Variants in ASAP1 observed in about 807,000 individuals in gnomAD.
The protein encoded by ASAP1 is arf-GAP with SH3 domain, ANK repeat and PH domain-containing protein 1.
In ASAP1, 43 loss-of-function variants were observed where a neutral mutation model predicts 145.2. The observed-to-expected ratio is 0.30, with a 90% CI of 0.23 to 0.38. The LOEUF (loss-of-function observed/expected upper bound fraction) is 0.38, where lower values mean the gene tolerates loss of function less well. Among genes scored for constraint, ASAP1 ranks in the 10% least tolerant of loss-of-function variants. ASAP1 has a pLI of 1.00. For missense variants in ASAP1, 1,018 were observed against 1,355.3 expected, an observed-to-expected ratio of 0.75 and a Z score of 3.91; for synonymous variants, 546 against 515.5, an observed-to-expected ratio of 1.06 and a Z score of -0.80.
At chr8:130,159,721 C>G in intron 12 of ASAP1, 143 bp downstream of exon 12, 1 of 652,330 alleles carries the variant, frequency 1.5e-6, no homozygotes, top group Middle Eastern at 2.6e-4. Flanking sequence ...GGTCAAATCT[C>G]GGATTTACTT....
chr8:130,085,871 A>T (rs929372030), intron 25 of ASAP1, among the ~76,000 whole-genome samples: 2 of 152,228 alleles, frequency 1.3e-5, no homozygotes, highest in African/African-American at 4.8e-5. Flanking sequence ...GTCTCCTGAG[A>T]CAGATGGCTG....
chr8:130,315,588 A>G (rs1823618646), intron 3 of ASAP1, among the ~76,000 whole-genome samples: 1 of 152,232 alleles, frequency 6.6e-6, no homozygotes, highest in Non-Finnish European at 1.5e-5. Context: ...GCCAAGAAAT[A>G]GACCACTTGT....
At chr8:130,402,536 A>T (rs1460094662) in intron 1 of ASAP1, among the ~76,000 whole-genome samples, 2 of 152,224 alleles carry the variant, frequency 1.3e-5, no homozygotes, top group Non-Finnish European at 2.9e-5. Flanking sequence ...GATGTTACAT[A>T]AGGGAACAGC....
intron 5 of ASAP1, among the ~76,000 whole-genome samples, chr8:130,212,339 C>T (rs1049313486): frequency 6.6e-6 from 1 of 152,092 alleles, no homozygotes; most frequent in African/African-American, 2.4e-5. Flanking sequence ...TTTTCTTAGA[C>T]TTCTACTCCT....
At position 130,251,491 on chromosome 8, in the gene ASAP1, T is replaced by C. The variant is rs1049651706; in HGVS notation, c.187-14497A>G. On this transcript the variant is annotated intron_variant, in intron 3 of 29. Transcript: ENST00000518721. ...AACAAAGTTAGGCCTCAAAAAAATA[T>C]ACTATGTACATCAGCTAAAGAGGTC... is the stretch of plus-strand genomic sequence containing the variant. Among the ~76,000 whole-genome samples, 91 of 152,084 alleles carry C rather than the reference T, an allele frequency of 6.0e-4. 1 individual carries two copies. The highest frequency in any genetic ancestry group is 4.0e-4 in the Non-Finnish European group (27 of 68,004).
chr8:130,169,288 T>C (rs371048740), intron 9 of ASAP1, among the ~76,000 whole-genome samples: 6 of 152,250 alleles, frequency 3.9e-5, no homozygotes, highest in Non-Finnish European at 8.8e-5. Context: ...ATTATGGCTG[T>C]CAGTTGACAT....
chr8:130,422,497 T>G (rs1485964058), intron 1 of ASAP1, among the ~76,000 whole-genome samples: 1 of 152,222 alleles, frequency 6.6e-6, no homozygotes, highest in East Asian at 1.9e-4. Flanking sequence ...CAGTGTACTT[T>G]CCCGCCTTCT....
intron 11 of ASAP1, among the ~76,000 whole-genome samples, chr8:130,166,414 A>G (rs1034286429): frequency 6.6e-6 from 1 of 152,186 alleles, no homozygotes; most frequent in Admixed American, 6.6e-5. Context: ...TACGTCCCTT[A>G]GTACAACACC....
At chr8:130,309,497 G>A (rs1586803402) in intron 3 of ASAP1, among the ~76,000 whole-genome samples, 1 of 152,176 alleles carries the variant, frequency 6.6e-6, no homozygotes. Context: ...CATAAGATGA[G>A]GCACGGTATG....
At chr8:130,282,129 T>C (rs1287369322) in intron 3 of ASAP1, among the ~76,000 whole-genome samples, 1 of 150,082 alleles carries the variant, frequency 6.7e-6, no homozygotes, top group Non-Finnish European at 1.5e-5. Flanking sequence ...ACCAACCAAA[T>C]ATATATGTTC....
At chr8:130,288,687 A>C (rs2137276736) in intron 3 of ASAP1, among the ~76,000 whole-genome samples, 1 of 152,364 alleles carries the variant, frequency 6.6e-6, no homozygotes, top group East Asian at 1.9e-4. Flanking sequence ...CTATGGGAAG[A>C]AGATGGCATC....
In ASAP1 at chr8:130,214,717, A is replaced by G. The variant is rs1816789255; in HGVS notation, c.260-16T>C. The G allele has an allele frequency of 6.4e-7, 1 of 1,570,740 alleles. No homozygotes were observed. The highest frequency in any genetic ancestry group is 8.6e-7 in the Non-Finnish European group (1 of 1,160,718). ...TGTACATGATCTAAAAACAAAAAAG[A>G]AGAAGAAAGGAGTCTGAACTATTAT... On this transcript the variant is annotated splice_polypyrimidine_tract_variant and intron_variant, in intron 4 of 29. Coordinates refer to ENST00000518721, the MANE Select transcript of ASAP1 (RefSeq NM_018482.4).
intron 3 of ASAP1, among the ~76,000 whole-genome samples, chr8:130,299,481 A>C (rs145740243): frequency 2.6e-3 from 393 of 152,374 alleles, no homozygotes; most frequent in African/African-American, 9.1e-3. Flanking sequence ...TATATGGCAC[A>C]GTACCTTTCT....
At chr8:130,084,540 T>A (rs780672130) in intron 25 of ASAP1, 2 of 152,040 alleles carry the variant, frequency 1.3e-5, no homozygotes, top group Non-Finnish European at 2.9e-5. Context: ...GGAGAAGAGT[T>A]TGTGGAAAGA....
At chr8:130,251,055 C>T (rs1819166331) in intron 3 of ASAP1, among the ~76,000 whole-genome samples, 1 of 152,062 alleles carries the variant, frequency 6.6e-6, no homozygotes, top group African/African-American at 2.4e-5. Context: ...ATCAGAATAC[C>T]TAGTTTTGTT....
intron 2 of ASAP1, among the ~76,000 whole-genome samples, chr8:130,378,966 C>A (rs1349541291): frequency 6.6e-6 from 1 of 152,094 alleles, no homozygotes; most frequent in Non-Finnish European, 1.5e-5. Context: ...TGGTCTTTGT[C>A]CTTGACTTCT....
chr8:130,055,268 C>T (rs1374119182), intron 29 of ASAP1, among the ~76,000 whole-genome samples: 1 of 150,398 alleles, frequency 6.6e-6, no homozygotes, highest in Non-Finnish European at 1.5e-5. Flanking sequence ...AATCCCTTCT[C>T]TCCAGGCTTG....
At chr8:130,073,341 G>A (rs1447578388) in intron 27 of ASAP1, among the ~76,000 whole-genome samples, 1 of 148,894 alleles carries the variant, frequency 6.7e-6, no homozygotes, top group Admixed American at 6.7e-5. Context: ...GGGGAGCTGA[G>A]ATCGCACCAT....
At chr8:130,291,606 G>C (rs1821948612) in intron 3 of ASAP1, among the ~76,000 whole-genome samples, 2 of 152,194 alleles carry the variant, frequency 1.3e-5, no homozygotes, top group South Asian at 4.1e-4. Flanking sequence ...AAAGGAAGGG[G>C]AAGAGGAGGC....
Sources: gnomAD v4.1 joint callset for allele counts (sites outside exome capture counted in the v4.1 genomes callset) on GRCh38, gnomAD v4.1.1 for gene constraint, MANE v1.5 for transcripts, NCBI Gene and HGNC (gene_info 2026-07-23, HGNC 2026-07-21) for gene names.